PJA2: variants seen among roughly 807,000 people sequenced by gnomAD.
PJA2 encodes the protein praja ring finger ubiquitin ligase 2.
In PJA2, 25 loss-of-function variants were observed where a neutral mutation model predicts 69.3. The ratio of observed to expected loss-of-function variants is 0.36; its 90% CI spans 0.26 to 0.50. PJA2 has a LOEUF of 0.50. PJA2 is among the 20% of genes least tolerant of loss of function. The pLI is 0.96. For missense variants in PJA2, 809 were observed against 830.2 expected, an observed-to-expected ratio of 0.97 and a Z score of 0.31; for synonymous variants, 308 against 277.8, an observed-to-expected ratio of 1.11 and a Z score of -1.08.
At chr5:109,393,455 T>C (rs369797704) in intron 1 of PJA2, among the ~76,000 whole-genome samples, 2 of 152,098 alleles carry the variant, frequency 1.3e-5, no homozygotes, top group African/African-American at 4.8e-5. Flanking sequence ...ATGCATATGA[T>C]ATGGTTAAGC....
rs1020625114 is a variant in PJA2 at position 109,378,410 on chromosome 5, G to A, written c.1077C>T (p.Asp359=). ...CATATTCTTCACATTTTATTAAGAG[G>A]TCATCTGAGCCACTTTCCTCAACTT... ...ALEVEESGSD[D]LLIKCEEYDG... Residue 359 remains aspartate (D), a synonymous_variant, in exon 4 of 10, where the codon GAC becomes GAT. Transcript: ENST00000361189. The A allele has an allele frequency of 1.2e-6, 2 of 1,613,960 alleles. No homozygotes were observed. Among genetic ancestry groups the A allele is most frequent in the Non-Finnish European group, 1.7e-6 (2 of 1,179,990 alleles).
At chr5:109,393,147 AAAG>A (rs1747319653) in intron 1 of PJA2, among the ~76,000 whole-genome samples, 1 of 152,334 alleles carries the variant, frequency 6.6e-6, no homozygotes, top group Admixed American at 6.5e-5. Context: ...TAAATATAAA[AAAG>A]AATAAGATAA....
At chr5:109,369,065 T>C (rs537264) in intron 4 of PJA2, among the ~76,000 whole-genome samples, 119,419 of 152,116 alleles carry the variant, frequency 0.79, 47,710 homozygotes, top group African/African-American at 0.91. Context: ...GCCTTGTTCC[T>C]GCTCTGCATT....
In PJA2 at chr5:109,383,507, G is replaced by A; in HGVS notation, c.-74C>T. The A allele has an allele frequency of 8.1e-7, 1 of 1,231,582 alleles. No homozygotes were observed. Among genetic ancestry groups the A allele is most frequent in the Non-Finnish European group, 1.2e-6 (1 of 856,692 alleles). The allele number at this position is 1,231,582 out of a possible 1,614,324, so 76.3% of individuals were successfully genotyped here. On this transcript the variant is annotated 5_prime_UTR_variant, in exon 2 of 10. Coordinates refer to ENST00000361189, the MANE Select transcript of PJA2 (RefSeq NM_014819.5). The stretch of plus-strand genomic sequence containing the variant: ...TAGTTTTTATTCACACTATGGACAA[G>A]CCGCAGAAGATTCCTACAAAGAAAC...
intron 7 of PJA2, among the ~76,000 whole-genome samples, chr5:109,346,749 G>A (rs1422345185): frequency 2.0e-5 from 3 of 152,160 alleles, no homozygotes; most frequent in Non-Finnish European, 4.4e-5. Context: ...GCCAGGGGCT[G>A]GAAAGATGGG....
intron 6 of PJA2, 95 bp downstream of exon 6, chr5:109,362,745 A>G: frequency 1.6e-6 from 2 of 1,273,186 alleles, no homozygotes; most frequent in Middle Eastern, 2.0e-4. Context: ...TGGGAAAATT[A>G]TAATATTTCT....
At chr5:109,354,206 C>A (rs1182323368) in intron 7 of PJA2, among the ~76,000 whole-genome samples, 4 of 146,568 alleles carry the variant, frequency 2.7e-5, no homozygotes, top group Admixed American at 6.8e-5. Flanking sequence ...CTAGAGATAT[C>A]TATAGATTAG....
intron 1 of PJA2, among the ~76,000 whole-genome samples, chr5:109,388,202 A>G (rs1033649792): frequency 6.6e-6 from 1 of 151,864 alleles, no homozygotes; most frequent in Non-Finnish European, 1.5e-5. Flanking sequence ...TCACTCAAGT[A>G]GACCCACAGA....
chr5:109,354,180 TAGATATC>T (rs1481436342), intron 7 of PJA2, among the ~76,000 whole-genome samples: 2 of 144,982 alleles, frequency 1.4e-5, no homozygotes, highest in Admixed American at 1.4e-4. Flanking sequence ...GTCTATAGAT[TAGATATC>T]TATGATATCT....
intron 6 of PJA2, among the ~76,000 whole-genome samples, chr5:109,356,733 A>G (rs1451693063): frequency 6.6e-6 from 1 of 152,016 alleles, no homozygotes; most frequent in Non-Finnish European, 1.5e-5. Flanking sequence ...TCTGGATTTT[A>G]AAATATTTTA....
intron 1 of PJA2, among the ~76,000 whole-genome samples, chr5:109,384,303 A>T (rs1165381805): frequency 6.6e-6 from 1 of 152,242 alleles, no homozygotes; most frequent in Non-Finnish European, 1.5e-5. Context: ...AATGTGTGTA[A>T]ATAATGATGT....
In PJA2 at chr5:109,378,673, T is replaced by C. The variant is rs187439518; in HGVS notation, c.814A>G (p.Asn272Asp). ...DEMVSTKQQNNTSQERQTEHS... is the reference protein window; with the variant it reads ...DEMVSTKQQNDTSQERQTEHS... ...TCTGTCTGTCTTTCCTGGCTAGTAT[T>C]ATTTTGTTGTTTCGTACTAACCATT... The change falls in exon 4 of 10, where the codon AAT becomes GAT. Residue 272 changes from asparagine to aspartate, a missense_variant. Transcript: ENST00000361189. 3 of 1,614,084 alleles carry C rather than the reference T, an allele frequency of 1.9e-6. No individual in the cohort carries two copies. Among genetic ancestry groups the C allele is most frequent in the Middle Eastern group, 1.6e-4 (1 of 6,062 alleles).
intron 5 of PJA2, 105 bp downstream of exon 5, chr5:109,368,456 T>C (rs1762621494): frequency 2.0e-6 from 2 of 986,066 alleles, no homozygotes; most frequent in South Asian, 2.0e-5. Flanking sequence ...CTACTGGTTC[T>C]ACATAAGGCT....
chr5:109,341,552 G>A (rs1407640684), intron 9 of PJA2, among the ~76,000 whole-genome samples: 942 of 110,154 alleles, frequency 8.6e-3, no homozygotes, highest in Admixed American at 0.022. Context: ...GGGAGGTGGG[G>A]GGGGGTCAGC....
intron 1 of PJA2, among the ~76,000 whole-genome samples, chr5:109,386,350 C>T (rs138527899): frequency 1.4e-4 from 22 of 152,072 alleles, no homozygotes; most frequent in South Asian, 4.2e-4. Flanking sequence ...AGGATAATGG[C>T]GAATGGCGGC....
chr5:109,342,459 G>T (rs1238342202), intron 9 of PJA2, among the ~76,000 whole-genome samples: 1 of 67,656 alleles, frequency 1.5e-5, no homozygotes, highest in Non-Finnish European at 3.1e-5. Flanking sequence ...CAGCCGCCCC[G>T]TCCGGGAGGG....
chr5:109,342,347 C>T (rs1762084383), intron 9 of PJA2, among the ~76,000 whole-genome samples: 1 of 114,542 alleles, frequency 8.7e-6, no homozygotes, highest in African/African-American at 3.5e-5. Flanking sequence ...GCCCCCCGCC[C>T]GGCCAGCCGC....
chr5:109,391,872 G>C (rs768685961), intron 1 of PJA2, among the ~76,000 whole-genome samples: 1 of 152,082 alleles, frequency 6.6e-6, no homozygotes, highest in Admixed American at 6.5e-5. Context: ...TCGTTTACAA[G>C]AGCAACTATA....
At chr5:109,377,120 A>G (rs2127005669) in intron 4 of PJA2, among the ~76,000 whole-genome samples, 1 of 152,276 alleles carries the variant, frequency 6.6e-6, no homozygotes, top group East Asian at 1.9e-4. Context: ...AGCAGCAGAA[A>G]TTATATTTTA....
Sources: gnomAD v4.1 joint callset for allele counts (sites outside exome capture counted in the v4.1 genomes callset) on GRCh38, gnomAD v4.1.1 for gene constraint, MANE v1.5 for transcripts, NCBI Gene and HGNC (gene_info 2026-07-23, HGNC 2026-07-21) for gene names.